The following PZP variants were observed in gnomAD, a reference collection of about 807,000 sequenced individuals.
The protein encoded by PZP is pregnancy zone protein.
Under a neutral mutation model 179.8 loss-of-function variants are expected in PZP, and 150 were observed. That is an observed-to-expected ratio of 0.83 (90% CI 0.73 to 0.96). The LOEUF (loss-of-function observed/expected upper bound fraction) is 0.96. Among genes scored for constraint, PZP ranks in the 40% least tolerant of loss-of-function variants. The pLI is 0.00. For synonymous variants in PZP, 624 were observed against 652.3 expected, an observed-to-expected ratio of 0.96 and a Z score of 0.66; for missense variants, 1,689 against 1,764.0, an observed-to-expected ratio of 0.96 and a Z score of 0.76.
intron 25 of PZP, among the ~76,000 whole-genome samples, 181 bp from the exon 26 acceptor site, chr12:9,158,757 C>CTTTT (rs60888135): frequency 2.5e-4 from 31 of 125,428 alleles, no homozygotes; most frequent in African/African-American, 8.6e-4. Flanking sequence ...CTTTTCTTTT[C>CTTTT]TTTTTTTTTT....
rs1208832026 is a variant in PZP, at chr12:9,153,308, A to G, written c.3810T>C (p.Tyr1270=). The stretch of plus-strand genomic sequence containing the variant: ...CAGTTCTGGTGAAAGTGGCTGCTCC[A>G]TACCTGGACAGGGCATGGAGAGCCA... ...TVVALHALSR[Y]GAATFTRTEK... is the part of the protein sequence containing the mutation. Residue 1270 remains tyrosine (Y), a synonymous_variant, in exon 30 of 36, where the codon TAT becomes TAC. Transcript: ENST00000261336. 6.2e-7 allele frequency: 1 copy of G among 1,613,992 alleles called. No individual in the cohort carries two copies. The highest frequency in any genetic ancestry group is 8.5e-7 in the Non-Finnish European group (1 of 1,180,002).
At chr12:9,161,248 T>A in intron 22 of PZP, 132 bp from the exon 23 acceptor site, 1 of 673,434 alleles carries the variant, frequency 1.5e-6, no homozygotes, top group African/African-American at 1.9e-5. Context: ...TGACCTTGGG[T>A]AAATTGTGAT....
intron 28 of PZP, among the ~76,000 whole-genome samples, chr12:9,156,882 A>G (rs1293933832): frequency 6.6e-6 from 1 of 152,004 alleles, no homozygotes; most frequent in Non-Finnish European, 1.5e-5. Context: ...TTTTTTGCAC[A>G]GTTTTTAAAA....
At chr12:9,164,078 TCAGA>T (rs1364857266) in intron 20 of PZP, 51 bp downstream of exon 20, 2 of 1,538,878 alleles carry the variant, frequency 1.3e-6, no homozygotes, top group Non-Finnish European at 8.9e-7. Flanking sequence ...AAAAAAGTAC[TCAGA>T]CAGCCACCGT....
intron 11 of PZP, among the ~76,000 whole-genome samples, chr12:9,193,441 C>T (rs1448520044): frequency 6.6e-6 from 1 of 152,124 alleles, no homozygotes; most frequent in Non-Finnish European, 1.5e-5. Context: ...CTTTTAACTC[C>T]ATGAAAATAG....
intron 7 of PZP, among the ~76,000 whole-genome samples, chr12:9,199,523 A>C (rs188480653): frequency 7.8e-4 from 119 of 152,330 alleles, no homozygotes; most frequent in Non-Finnish European, 1.4e-3. Flanking sequence ...AAAACATTCA[A>C]TGTATCCTCT....
chr12:9,198,457 G>GA (rs1943963397), intron 7 of PZP, among the ~76,000 whole-genome samples: 1 of 152,070 alleles, frequency 6.6e-6, no homozygotes. Context: ...TGTAGATGAT[G>GA]AATTGAATAA....
intron 13 of PZP, among the ~76,000 whole-genome samples, chr12:9,186,273 A>G (rs1457128138): frequency 1.3e-5 from 2 of 152,246 alleles, no homozygotes; most frequent in Admixed American, 1.3e-4. Context: ...TGAATATAAA[A>G]AGGAAAGAAT....
At chr12:9,150,260 GT>G (rs1425347235) in intron 34 of PZP, among the ~76,000 whole-genome samples, 2 of 152,120 alleles carry the variant, frequency 1.3e-5, no homozygotes, top group African/African-American at 4.8e-5. Flanking sequence ...AATTTGTTCA[GT>G]AAGTTTTTGT....
Position 9,192,236 on chromosome 12 carries a change from G to T in PZP, c.1503C>A (p.Ile501=), listed in dbSNP as rs142132513. The T allele has an allele frequency of 4.3e-6, 7 of 1,613,906 alleles. No homozygotes were observed. The Admixed American group carries it at 1.2e-4, about 27-fold the overall frequency. The change falls in exon 13 of 36, where the codon ATC becomes ATA. Residue 501 remains isoleucine (I), a synonymous_variant. Coordinates refer to ENST00000261336, the MANE Select transcript of PZP (RefSeq NM_002864.3). The part of the protein sequence containing the change: ...FHYLIMAKGV[I]VRSGTHTLPV... ...GCAGAGTGTGGGTTCCAGATCTGAC[G>T]ATGACTCCCTTAGCCATGATCTGAA...
At chr12:9,178,871 T>C (rs1442300541) in intron 15 of PZP, among the ~76,000 whole-genome samples, 12 of 152,102 alleles carry the variant, frequency 7.9e-5, no homozygotes, top group African/African-American at 2.7e-4. Context: ...TTTTGATAAT[T>C]AAAAATAGGA....
intron 8 of PZP, 60 bp from the exon 9 acceptor site, chr12:9,196,745 C>G: frequency 7.2e-7 from 1 of 1,396,746 alleles, no homozygotes; most frequent in Non-Finnish European, 1.0e-6. Flanking sequence ...GTCACTGAAT[C>G]TACTATTCTG....
Position 9,158,438 on chromosome 12 carries a change from C to T in PZP, c.3276G>A (p.Leu1092=). ...AGTTCACCTTTATGGCATTGTTGAG[C>T]AGTGACCCAGAGCTCCTGAAACAGC... is the stretch of plus-strand genomic sequence containing the variant. ...DNGCFRSSGS[L]LNNAIKGGVE... is the part of the protein sequence containing the mutation. The change falls in exon 26 of 36, where the codon CTG becomes CTA. Residue 1092 remains leucine, a synonymous_variant. Transcript: ENST00000261336. 1 of 1,614,118 alleles carries T rather than the reference C, an allele frequency of 6.2e-7. No homozygotes were observed. The highest frequency in any genetic ancestry group is 1.1e-5 in the South Asian group (1 of 91,076).
At chr12:9,200,785 G>T in intron 6 of PZP, 107 bp downstream of exon 6, 1 of 1,176,974 alleles carries the variant, frequency 8.5e-7, no homozygotes, top group South Asian at 1.5e-5. Flanking sequence ...CAGTAAGTCT[G>T]ACTCTACTGC....
At chr12:9,206,261 T>C (rs978653405) in intron 1 of PZP, among the ~76,000 whole-genome samples, 1 of 151,506 alleles carries the variant, frequency 6.6e-6, no homozygotes, top group African/African-American at 2.4e-5. Flanking sequence ...TATATATTTA[T>C]AATTTATTTA....
At chr12:9,159,867 G>T in intron 25 of PZP, 71 bp downstream of exon 25, 1 of 1,325,150 alleles carries the variant, frequency 7.5e-7, no homozygotes, top group South Asian at 1.2e-5. Flanking sequence ...ACAGAAAATG[G>T]ACTAAGACAG....
In PZP at chr12:9,202,556, T is replaced by A. The variant is rs753648698; in HGVS notation, c.396A>T (p.Thr132=). ...LNTQSLVFVQ[T]DKPMYKPGQT... ...GTCCTGGTTTATACATGGGTTTGTC[T>A]GTCTGGACAAAGACCAGACTTTGGG... Residue 132 remains threonine (T), a synonymous_variant, in exon 3 of 36, where the codon ACA becomes ACT. Transcript: ENST00000261336. The A allele has an allele frequency of 6.2e-7, 1 of 1,614,178 alleles. No individual in the cohort carries two copies. The highest frequency in any genetic ancestry group is 1.1e-5 in the South Asian group (1 of 91,072).
At position 9,162,665 on chromosome 12, in the gene PZP, G is replaced by A. The variant is rs755692172; in HGVS notation, c.2737-17C>T. The A allele has an allele frequency of 1.5e-5, 23 of 1,560,958 alleles. No individual in the cohort carries two copies. The highest frequency in any genetic ancestry group is 1.2e-4 in the Admixed American group (7 of 58,578). ...ACCTTCAGCCTTGGATGAAAGGAAAGAAAAGGAGAAAAGATAGAAACATCC... is the reference window on the plus strand; with the variant it reads ...ACCTTCAGCCTTGGATGAAAGGAAAAAAAAGGAGAAAAGATAGAAACATCC... On this transcript the variant is annotated splice_polypyrimidine_tract_variant and intron_variant, in intron 21 of 35. Coordinates refer to ENST00000261336, the MANE Select transcript of PZP (RefSeq NM_002864.3).
chr12:9,202,739 C>A (rs1205975615), intron 2 of PZP, 55 bp from the exon 3 acceptor site: 3 of 1,515,986 alleles, frequency 2.0e-6, no homozygotes, highest in African/African-American at 2.8e-5. Flanking sequence ...TCTCCCTCTG[C>A]ATTCTTCAGT....
Sources: allele counts gnomAD v4.1 joint callset (sites outside exome capture counted in the v4.1 genomes callset), GRCh38; gene constraint gnomAD v4.1.1; transcripts MANE v1.5; gene names NCBI Gene and HGNC (gene_info 2026-07-23, HGNC 2026-07-21).